PCDHGB2: variants seen among roughly 807,000 people sequenced by gnomAD.
The protein encoded by PCDHGB2 is protocadherin gamma subfamily B, 2.
A neutral mutation model predicts 59.3 loss-of-function variants in PCDHGB2; 55 were observed. The ratio of observed to expected loss-of-function variants is 0.93; its 90% CI spans 0.75 to 1.16. PCDHGB2 has a LOEUF of 1.16. Among genes scored for constraint, PCDHGB2 ranks in the 50% most tolerant of loss-of-function variants. PCDHGB2 has a pLI of 0.00. For synonymous variants in PCDHGB2, 516 were observed against 512.0 expected (o/e 1.01, Z -0.11); for missense variants, 1,228 against 1,198.5 (o/e 1.02, Z -0.36).
chr5:141,365,656 A>G (rs923075599), intron 1 of PCDHGB2: 1 of 1,613,518 alleles, frequency 6.2e-7, no homozygotes, highest in Admixed American at 1.7e-5. Flanking sequence ...CCTTGAAAGT[A>G]GCAGACGTTA....
intron 1 of PCDHGB2, chr5:141,420,276 T>C: frequency 6.6e-7 from 1 of 1,523,250 alleles, no homozygotes; most frequent in Non-Finnish European, 8.9e-7. Context: ...CTTAAACAGG[T>C]AAGTATTTAA....
chr5:141,477,814 G>C lies in PCDHGB2; in HGVS notation c.2422-16993G>C, dbSNP rs780195618. The C allele has an allele frequency of 1.2e-6, 2 of 1,614,110 alleles. No homozygotes were observed. The highest frequency in any genetic ancestry group is 1.1e-5 in the South Asian group (1 of 91,074). On this transcript the variant is annotated intron_variant, in intron 1 of 3. Coordinates refer to ENST00000522605, the MANE Select transcript of PCDHGB2 (RefSeq NM_018923.3). The surrounding 1 kb of genome is among the most constrained non-coding windows in gnomAD (Gnocchi z 4.9). ...CTGATCGCAATGACAATGCCCCCCA[G>C]GTCCTATATCCTCGGCCAGGTGGGA... is the stretch of plus-strand genomic sequence containing the variant.
rs760070878 is a variant in PCDHGB2, at chr5:141,490,862, C to T, written c.2422-3945C>T. On this transcript the variant is annotated intron_variant, in intron 1 of 3. Coordinates refer to ENST00000522605, the MANE Select transcript of PCDHGB2 (RefSeq NM_018923.3). This position sits in a 1 kb window ranked among gnomAD's most constrained non-coding sequence, Gnocchi z 5.4. ...GTGGTGGGGGTTCGAGACTCCGGCTCTCCCCCATTGCATGCCAACACATCT... is the reference window on the plus strand; with the variant it reads ...GTGGTGGGGGTTCGAGACTCCGGCTTTCCCCCATTGCATGCCAACACATCT... 2.0e-5 allele frequency: 33 copies of T among 1,613,878 alleles called. No individual in the cohort carries two copies. Among genetic ancestry groups the T allele is most frequent in the Non-Finnish European group, 2.8e-5 (33 of 1,179,920 alleles).
chr5:141,476,509 C>G lies in PCDHGB2; in HGVS notation c.2422-18298C>G. 6.2e-7 allele frequency: 1 copy of G among 1,614,144 alleles called. No individual in the cohort carries two copies. Among genetic ancestry groups the G allele is most frequent in the Non-Finnish European group, 8.5e-7 (1 of 1,180,022 alleles). ...TGGTGATCCAGGACATCAACGACAACAATCCTGCTTTCCCTACCCAGGAAA... is the reference window on the plus strand; with the variant it reads ...TGGTGATCCAGGACATCAACGACAAGAATCCTGCTTTCCCTACCCAGGAAA... On this transcript the variant is annotated intron_variant, in intron 1 of 3. Transcript: ENST00000522605. This position sits in a 1 kb window ranked among gnomAD's most constrained non-coding sequence, Gnocchi z 7.6.
intron 2 of PCDHGB2, among the ~76,000 whole-genome samples, chr5:141,497,962 G>A (rs2099780751): frequency 6.6e-6 from 1 of 152,236 alleles, no homozygotes; most frequent in African/African-American, 2.4e-5. Context: ...TGGCCAGGCA[G>A]TGTTCTCGAT....
intron 1 of PCDHGB2, among the ~76,000 whole-genome samples, chr5:141,454,172 CAGCTAAAGG>C (rs1351117555): frequency 6.6e-6 from 1 of 152,126 alleles, no homozygotes; most frequent in Admixed American, 6.5e-5. Context: ...TCTAGAAGGG[CAGCTAAAGG>C]AGCTTAGTGA....
intron 1 of PCDHGB2, among the ~76,000 whole-genome samples, chr5:141,482,442 C>T (rs942933015): frequency 1.4e-5 from 2 of 147,678 alleles, no homozygotes; most frequent in Non-Finnish European, 3.0e-5. Flanking sequence ...CTGATATTCA[C>T]CATTTATTAG....
chr5:141,366,040 C>A (rs752624619), intron 1 of PCDHGB2: 1 of 1,614,146 alleles, frequency 6.2e-7, no homozygotes, highest in African/African-American at 1.3e-5. Context: ...TCCCCACAGA[C>A]GGTTCCACGG....
Position 141,360,748 on chromosome 5 carries a change from C to T in PCDHGB2, c.613C>T (p.His205Tyr), listed in dbSNP as rs1352122566. The T allele has an allele frequency of 6.2e-6, 10 of 1,613,928 alleles. No individual in the cohort carries two copies. Among genetic ancestry groups the T allele is most frequent in the Non-Finnish European group, 8.5e-6 (10 of 1,179,884 alleles). The change falls in exon 1 of 4, where the codon CAC becomes TAC. Residue 205 changes from histidine to tyrosine, a missense_variant. Around this residue, in one of 3 missense-constraint regions of PCDHGB2, gnomAD observed 781 missense variants for 721.6 expected, o/e 1.08. Coordinates refer to ENST00000522605, the MANE Select transcript of PCDHGB2 (RefSeq NM_018923.3). ...AAAACACTCTCTGGACAGAGAAGAG[C>T]ACAGTTTACATCAATTGGTCCTCAC... ...ILKHSLDREE[H>Y]SLHQLVLTAV...
chr5:141,497,384 A>G (rs2099776099), intron 2 of PCDHGB2, among the ~76,000 whole-genome samples: 1 of 151,900 alleles, frequency 6.6e-6, no homozygotes, highest in African/African-American at 2.4e-5. Context: ...TGGGGTGAGC[A>G]CCTTACCCCT....
chr5:141,461,510 G>T (rs2099016853), intron 1 of PCDHGB2, among the ~76,000 whole-genome samples: 1 of 152,014 alleles, frequency 6.6e-6, no homozygotes, highest in Non-Finnish European at 1.5e-5. Context: ...TTGGTGATTT[G>T]TTAGTTCCTT....
At chr5:141,384,441 G>A in intron 1 of PCDHGB2, 1 of 1,614,028 alleles carries the variant, frequency 6.2e-7, no homozygotes, top group African/African-American at 1.3e-5. Flanking sequence ...CTGGAGTCCT[G>A]TACGCGCTGC....
At chr5:141,419,928 T>G in intron 1 of PCDHGB2, 1 of 1,614,084 alleles carries the variant, frequency 6.2e-7, no homozygotes, top group South Asian at 1.1e-5. Flanking sequence ...GAGATGCAGT[T>G]TTACCTGGTG....
Position 141,493,788 on chromosome 5 carries a change from C to A in PCDHGB2, c.2422-1019C>A, listed in dbSNP as rs2099750132. On this transcript the variant is annotated intron_variant, in intron 1 of 3. Transcript: ENST00000522605. This position sits in a 1 kb window ranked among gnomAD's most constrained non-coding sequence, Gnocchi z 4.3. ...ACTGGCAGTTCCGGAGCTTCCTTCT[C>A]CCTGGAGTAATCTGAGATACTCACA... 6.6e-6 allele frequency among the ~76,000 whole-genome samples: 1 copy of A among 152,162 alleles called. No homozygotes were observed. The highest frequency in any genetic ancestry group is 1.5e-5 in the Non-Finnish European group (1 of 68,026).
chr5:141,485,961 A>G lies in PCDHGB2; in HGVS notation c.2422-8846A>G. Reference sequence around the variant, plus strand: ...GCACCAGCGGGCATGGTGCTCATCCAGCTCAATGCCTCAGACCCGGACCTG... The same window carrying G: ...GCACCAGCGGGCATGGTGCTCATCCGGCTCAATGCCTCAGACCCGGACCTG... On this transcript the variant is annotated intron_variant, in intron 1 of 3. Coordinates refer to ENST00000522605, the MANE Select transcript of PCDHGB2 (RefSeq NM_018923.3). This position sits in a 1 kb window ranked among gnomAD's most constrained non-coding sequence, Gnocchi z 5.7. 1 of 1,614,204 alleles carries G rather than the reference A, an allele frequency of 6.2e-7. No individual in the cohort carries two copies. Among genetic ancestry groups the G allele is most frequent in the Non-Finnish European group, 8.5e-7 (1 of 1,180,028 alleles).
chr5:141,403,759 G>A (rs900084263), intron 1 of PCDHGB2: 2 of 1,613,794 alleles, frequency 1.2e-6, no homozygotes, highest in Non-Finnish European at 1.7e-6. Flanking sequence ...CCAGCGACCT[G>A]GATGAGGGAA....
intron 1 of PCDHGB2, chr5:141,398,793 A>G (rs376843278): frequency 2.5e-5 from 41 of 1,613,830 alleles, no homozygotes; most frequent in South Asian, 1.1e-5. Flanking sequence ...ATCCACCCCT[A>G]AGCGGCACCA....
intron 1 of PCDHGB2, among the ~76,000 whole-genome samples, chr5:141,438,587 C>CAT (rs1372372472): frequency 1.4e-4 from 10 of 73,396 alleles, no homozygotes; most frequent in East Asian, 3.8e-4. Context: ...TACATACATA[C>CAT]ATACATATAT....
In PCDHGB2 at chr5:141,456,564, A is replaced by G. The variant is rs1174191537; in HGVS notation, c.2422-38243A>G. ...TTGTAGCCACTCGGGGCTGAAGCCC[A>G]CATTTTCCCTGAGCCTGTCAATAAT... On this transcript the variant is annotated intron_variant, in intron 1 of 3. Coordinates refer to ENST00000522605, the MANE Select transcript of PCDHGB2 (RefSeq NM_018923.3). Among the ~76,000 whole-genome samples the G allele has an allele frequency of 2.6e-5, 4 of 152,338 alleles. No individual in the cohort carries two copies. The South Asian group carries it at 6.2e-4, about 24-fold the overall frequency.
Sources: allele counts gnomAD v4.1 joint callset (sites outside exome capture counted in the v4.1 genomes callset), GRCh38; gene constraint gnomAD v4.1.1; regional missense constraint gnomAD v4.1.1; non-coding constraint Gnocchi (gnomAD v3.1); transcripts MANE v1.5; gene names NCBI Gene and HGNC (gene_info 2026-07-23, HGNC 2026-07-21).